The following SOX5 variants were observed in gnomAD, a reference collection of about 807,000 sequenced individuals.
SOX5 encodes the protein SRY-box transcription factor 5.
SOX5 carries 9 observed loss-of-function variants against 92.0 expected under a neutral mutation model. The observed-to-expected ratio is 0.10, with a 90% CI of 0.06 to 0.17. The LOEUF is 0.17. Among genes scored for constraint, SOX5 ranks in the 10% least tolerant of loss-of-function variants. SOX5 has a pLI of 1.00. For missense variants in SOX5, 642 were observed against 944.5 expected, an observed-to-expected ratio of 0.68 and a Z score of 4.20; for synonymous variants, 344 against 336.3, an observed-to-expected ratio of 1.02 and a Z score of -0.25.
chr12:23,745,077 T>A (rs541319156), intron 4 of SOX5, among the ~76,000 whole-genome samples: 182 of 152,250 alleles, frequency 1.2e-3, no homozygotes, highest in African/African-American at 4.1e-3. Context: ...TCCAAATACG[T>A]TCATATTCTG....
Position 23,825,745 on chromosome 12 carries a change from ATTG to A in SOX5, c.481+20235_481+20237del, listed in dbSNP as rs541769911. Among the ~76,000 whole-genome samples the A allele has an allele frequency of 1.4e-4, 21 of 152,278 alleles. No individual in the cohort carries two copies. In the South Asian group the frequency reaches 4.1e-3, roughly 30 times the overall value. On this transcript the variant is annotated intron_variant, in intron 3 of 14. Coordinates refer to ENST00000451604, the MANE Select transcript of SOX5 (RefSeq NM_006940.6). Reference sequence around the variant, plus strand: ...TAGATAATATTTTAGAAGGTTTCATATTGTTTGCAATTTAGATAGAACATTTCA... The same window carrying A: ...TAGATAATATTTTAGAAGGTTTCATATTTGCAATTTAGATAGAACATTTCA...
At chr12:23,877,984 T>G (rs1416905229) in intron 2 of SOX5, among the ~76,000 whole-genome samples, 1 of 152,038 alleles carries the variant, frequency 6.6e-6, no homozygotes, top group African/African-American at 2.4e-5. Flanking sequence ...TGAGGTTGTT[T>G]TATTATATTT....
chr12:24,438,145 A>G (rs898868683), intron 1 of SOX5, among the ~76,000 whole-genome samples: 12 of 152,174 alleles, frequency 7.9e-5, no homozygotes, highest in Non-Finnish European at 1.5e-5. Flanking sequence ...ACATGGATGA[A>G]GCTGGAAACC....
chr12:24,512,034 T>C (rs559117502), intron 1 of SOX5, among the ~76,000 whole-genome samples: 38 of 152,106 alleles, frequency 2.5e-4, no homozygotes, highest in African/African-American at 8.7e-4. Flanking sequence ...ATTAAATCAA[T>C]TACTGTTAAA....
At chr12:23,889,422 C>G (rs529279327) in intron 2 of SOX5, among the ~76,000 whole-genome samples, 99 of 152,232 alleles carry the variant, frequency 6.5e-4, no homozygotes, top group African/African-American at 2.4e-3. Context: ...TAACACCATC[C>G]TAGTCAAACA....
rs1039350337 is a variant in SOX5, at chr12:23,584,552, T to C, written c.1165-8714A>G. 3 of 1,606,090 alleles carry C rather than the reference T, an allele frequency of 1.9e-6. No individual in the cohort carries two copies. The highest frequency in any genetic ancestry group is 2.6e-6 in the Non-Finnish European group (3 of 1,173,096). On this transcript the variant is annotated intron_variant, in intron 9 of 14. Coordinates refer to ENST00000451604, the MANE Select transcript of SOX5 (RefSeq NM_006940.6). ...CATTCCCAGTGCTCACATACATGCATGCACAGCTCCTATGGCACAAATCTC... is the reference window on the plus strand; with the variant it reads ...CATTCCCAGTGCTCACATACATGCACGCACAGCTCCTATGGCACAAATCTC...
At chr12:24,263,593 GAATAT>G (rs796440223) in intron 3 of SOX5, among the ~76,000 whole-genome samples, 5 of 138,262 alleles carry the variant, frequency 3.6e-5, no homozygotes, top group African/African-American at 1.3e-4. Context: ...AAACAATACA[GAATAT>G]ATTAATAATC....
chr12:23,839,660 C>T (rs563177005), intron 3 of SOX5, among the ~76,000 whole-genome samples: 1 of 152,044 alleles, frequency 6.6e-6, no homozygotes, highest in African/African-American at 2.4e-5. Context: ...GGATTTATTC[C>T]AAGTTTGCAA....
intron 7 of SOX5, among the ~76,000 whole-genome samples, chr12:23,643,828 T>C (rs1592882914): frequency 6.6e-6 from 1 of 152,022 alleles, no homozygotes; most frequent in Admixed American, 6.5e-5. Context: ...CAAAGGATGA[T>C]CGAAAGAAAG....
At chr12:23,567,906 G>T (rs1039494388) in intron 10 of SOX5, among the ~76,000 whole-genome samples, 1 of 152,054 alleles carries the variant, frequency 6.6e-6, no homozygotes, top group Non-Finnish European at 1.5e-5. Context: ...AATTTTGGAG[G>T]AGATAAACTC....
intron 11 of SOX5, among the ~76,000 whole-genome samples, chr12:23,548,215 A>C (rs887837921): frequency 1.3e-5 from 2 of 152,106 alleles, no homozygotes; most frequent in African/African-American, 4.8e-5. Flanking sequence ...AAGAAAAAGC[A>C]AAATTAATCA....
In SOX5 at chr12:24,038,247, G is replaced by A. The variant is rs143204080; in HGVS notation, c.-1-142223C>T. Among the ~76,000 whole-genome samples, 582 of 152,296 alleles carry A rather than the reference G, an allele frequency of 3.8e-3. 5 individuals carry two copies. The highest frequency in any genetic ancestry group is 0.013 in the African/African-American group (556 of 41,568). On this transcript the variant is annotated intron_variant, in intron 4 of 4. Coordinates refer to the SOX5 transcript ENST00000446891. ...GTAAAACGTGTATCTTGGGTTCCCA[G>A]GAAGCTCTGTCAGTGGCAGGGATGT...
intron 5 of SOX5, among the ~76,000 whole-genome samples, chr12:23,737,987 C>T (rs1274525339): frequency 6.6e-6 from 1 of 152,236 alleles, no homozygotes; most frequent in East Asian, 1.9e-4. Context: ...TAGCAACGTA[C>T]AGTTTACTGG....
At chr12:23,659,828 G>A (rs1195535218) in intron 7 of SOX5, among the ~76,000 whole-genome samples, 9 of 151,992 alleles carry the variant, frequency 5.9e-5, no homozygotes, top group African/African-American at 1.9e-4. Flanking sequence ...TTAGCTGGGC[G>A]TGGTGGTGCA....
In SOX5 at chr12:23,977,097, G is replaced by T. The variant is rs115064400; in HGVS notation, c.-1-81073C>A. 8.6e-3 allele frequency among the ~76,000 whole-genome samples: 1,311 copies of T among 152,148 alleles called. 26 individuals carry two copies. The highest frequency in any genetic ancestry group is 0.03 in the African/African-American group (1,239 of 41,502). On this transcript the variant is annotated intron_variant, in intron 4 of 4. Coordinates refer to the SOX5 transcript ENST00000446891. ...CATACTTAGATAAAAACTACTTCGG[G>T]ATAGAAACTAGAGACAATAATAAGA...
chr12:24,473,737 A>G (rs1350634319), intron 1 of SOX5, among the ~76,000 whole-genome samples: 1 of 152,182 alleles, frequency 6.6e-6, no homozygotes, highest in East Asian at 1.9e-4. Context: ...CCTCAATAAG[A>G]AAGAAATCTC....
chr12:23,598,082 C>G (rs1952764235), intron 9 of SOX5, among the ~76,000 whole-genome samples: 1 of 152,134 alleles, frequency 6.6e-6, no homozygotes, highest in South Asian at 2.1e-4. Flanking sequence ...CTTAGAAATA[C>G]TACATTCACA....
chr12:23,663,871 G>C (rs1287646680), intron 7 of SOX5, among the ~76,000 whole-genome samples: 4 of 152,082 alleles, frequency 2.6e-5, no homozygotes, highest in Non-Finnish European at 5.9e-5. Context: ...GTGTCTGGAT[G>C]AGTTGATAAC....
chr12:24,506,784 CTTTTTTTT>C (rs386375924), intron 1 of SOX5, among the ~76,000 whole-genome samples: 1 of 81,770 alleles, frequency 1.2e-5, no homozygotes, highest in South Asian at 4.8e-4. Flanking sequence ...TCCAAATGGT[CTTTTTTTT>C]TTTTTTTTTT....
Sources: allele counts gnomAD v4.1 joint callset (sites outside exome capture counted in the v4.1 genomes callset), GRCh38; gene constraint gnomAD v4.1.1; transcripts MANE v1.5; gene names NCBI Gene and HGNC (gene_info 2026-07-23, HGNC 2026-07-21).